The following CTNNA2 variants were observed in gnomAD, a reference collection of about 807,000 sequenced individuals.
CTNNA2 encodes the protein catenin alpha 2, also known as catenin alpha-2.
CTNNA2 carries 42 observed loss-of-function variants against 101.0 expected under a neutral mutation model. That is an observed-to-expected ratio of 0.42 (90% confidence interval 0.32 to 0.54). CTNNA2 has a LOEUF of 0.54. Among genes scored for constraint, CTNNA2 ranks in the 20% least tolerant of loss-of-function variants. The pLI is 0.14. For missense variants in CTNNA2, 871 were observed against 1,223.1 expected (o/e 0.71, Z 4.29); for synonymous variants, 450 against 456.4 (o/e 0.99, Z 0.18).
chr2:80,631,597 A>C (rs1672305516), intron 18 of CTNNA2, among the ~76,000 whole-genome samples: 1 of 152,030 alleles, frequency 6.6e-6, no homozygotes, highest in South Asian at 2.1e-4. Context: ...AAGTACATTC[A>C]CTCCAGGAGA....
intron 12 of CTNNA2, among the ~76,000 whole-genome samples, chr2:80,567,100 T>C (rs1264164298): frequency 1.3e-5 from 2 of 152,186 alleles, no homozygotes; most frequent in Non-Finnish European, 1.5e-5. Flanking sequence ...AGTAGACGTA[T>C]AGATCCATTT....
At chr2:80,033,479 G>A (rs1000464775) in intron 7 of CTNNA2, among the ~76,000 whole-genome samples, 2 of 152,124 alleles carry the variant, frequency 1.3e-5, no homozygotes, top group East Asian at 1.9e-4. Flanking sequence ...AGGCTGTGAG[G>A]TGGGAGGATC....
At chr2:80,074,734 T>C (rs186271689) in intron 7 of CTNNA2, among the ~76,000 whole-genome samples, 2 of 152,306 alleles carry the variant, frequency 1.3e-5, no homozygotes, top group Non-Finnish European at 2.9e-5. Context: ...AAATGGTCTA[T>C]GCCAGACAAC....
chr2:80,531,552 G>T (rs781093535), intron 9 of CTNNA2, among the ~76,000 whole-genome samples: 17 of 152,190 alleles, frequency 1.1e-4, no homozygotes, highest in Non-Finnish European at 2.1e-4. Flanking sequence ...ACTCAGAATT[G>T]CTTCTCTGTT....
chr2:79,839,457 A>G (rs1048422548), intron 3 of CTNNA2, among the ~76,000 whole-genome samples: 2 of 152,006 alleles, frequency 1.3e-5, no homozygotes, highest in Admixed American at 6.6e-5. Context: ...AATTTATTTT[A>G]TATTTCAAAT....
chr2:79,453,388 T>C (rs1670778465), intron 4 of CTNNA2, among the ~76,000 whole-genome samples: 1 of 152,150 alleles, frequency 6.6e-6, no homozygotes, highest in Non-Finnish European at 1.5e-5. Context: ...GGTACTTTAA[T>C]TCAAGGAATT....
chr2:80,110,032 G>A (rs765506556), intron 7 of CTNNA2, among the ~76,000 whole-genome samples: 6 of 152,194 alleles, frequency 3.9e-5, no homozygotes, highest in African/African-American at 9.7e-5. Context: ...CATTCACAGT[G>A]TTGTCACTGA....
chr2:79,707,520 A>G (rs1279746795), intron 2 of CTNNA2, among the ~76,000 whole-genome samples: 1 of 152,230 alleles, frequency 6.6e-6, no homozygotes, highest in East Asian at 1.9e-4. Flanking sequence ...TATTTCCTGC[A>G]TTGGCATACT....
intron 7 of CTNNA2, among the ~76,000 whole-genome samples, chr2:80,326,555 T>C (rs1196455658): frequency 6.6e-6 from 1 of 152,100 alleles, no homozygotes; most frequent in Non-Finnish European, 1.5e-5. Context: ...CCTCTGCCAA[T>C]GGAATCAACT....
chr2:80,388,739 G>T (rs1677240900), intron 7 of CTNNA2, among the ~76,000 whole-genome samples: 1 of 152,208 alleles, frequency 6.6e-6, no homozygotes, highest in South Asian at 2.1e-4. Flanking sequence ...ATTATTAGGT[G>T]ATGATGTCAA....
chr2:79,725,815 T>G (rs1350207620), intron 2 of CTNNA2, among the ~76,000 whole-genome samples: 1 of 152,208 alleles, frequency 6.6e-6, no homozygotes, highest in Non-Finnish European at 1.5e-5. Context: ...TAATCCCTCT[T>G]TCTCCTGCTG....
At chr2:79,998,314 G>A (rs1692696870) in intron 7 of CTNNA2, among the ~76,000 whole-genome samples, 1 of 152,134 alleles carries the variant, frequency 6.6e-6, no homozygotes, top group Non-Finnish European at 1.5e-5. Context: ...TGTTATTTGG[G>A]ACTACTTGTT....
intron 2 of CTNNA2, among the ~76,000 whole-genome samples, chr2:79,224,890 G>T (rs1674388843): frequency 6.6e-6 from 1 of 151,144 alleles, no homozygotes; most frequent in Non-Finnish European, 1.5e-5. Context: ...TATATATATG[G>T]ACTCATATAT....
At chr2:79,539,857 G>A (rs1673301728) in intron 1 of CTNNA2, among the ~76,000 whole-genome samples, 1 of 152,168 alleles carries the variant, frequency 6.6e-6, no homozygotes, top group Non-Finnish European at 1.5e-5. Flanking sequence ...GTTAATGACA[G>A]TATCTTTAGA....
At chr2:79,835,647 T>TGCAGAATG (rs905557376) in intron 3 of CTNNA2, among the ~76,000 whole-genome samples, 29 of 147,966 alleles carry the variant, frequency 2.0e-4, no homozygotes, top group South Asian at 6.6e-4. Context: ...CTTTCTGTGC[T>TGCAGAATG]GCAGAATGGC....
chr2:80,275,518 GT>G (rs1378605613), intron 7 of CTNNA2, among the ~76,000 whole-genome samples: 1 of 152,120 alleles, frequency 6.6e-6, no homozygotes, highest in Non-Finnish European at 1.5e-5. Context: ...TTTGAGATAA[GT>G]TTTGTAATAA....
At chr2:79,375,163 T>A (rs1677953200) in intron 4 of CTNNA2, among the ~76,000 whole-genome samples, 1 of 152,184 alleles carries the variant, frequency 6.6e-6, no homozygotes, top group Non-Finnish European at 1.5e-5. Flanking sequence ...CAGCTGTGGA[T>A]ACTAACACAG....
chr2:80,579,406 T>C (rs1267487814), intron 13 of CTNNA2: 4 of 152,200 alleles, frequency 2.6e-5, no homozygotes, highest in South Asian at 2.1e-4. Context: ...CAAGAACTTA[T>C]GACAAAAAGC....
At chr2:80,195,339 T>G (rs1706762138) in intron 7 of CTNNA2, among the ~76,000 whole-genome samples, 1 of 152,192 alleles carries the variant, frequency 6.6e-6, no homozygotes, top group African/African-American at 2.4e-5. Flanking sequence ...AAATTTGATT[T>G]TCATGCCTGG....
Sources: allele counts gnomAD v4.1 joint callset (sites outside exome capture counted in the v4.1 genomes callset), GRCh38; gene constraint gnomAD v4.1.1; transcripts MANE v1.5; gene names NCBI Gene and HGNC (gene_info 2026-07-23, HGNC 2026-07-21).